The following LAIR1 variants were observed in gnomAD, a reference collection of about 807,000 sequenced individuals.
LAIR1 encodes the protein leukocyte associated immunoglobulin like receptor 1.
In LAIR1, 24 loss-of-function variants were observed where a neutral mutation model predicts 32.8. The observed-to-expected ratio is 0.73, with a 90% CI of 0.53 to 1.03. The LOEUF (loss-of-function observed/expected upper bound fraction) is 1.03. Among genes scored for constraint, LAIR1 ranks in the 50% least tolerant of loss-of-function variants. The probability of loss-of-function intolerance (pLI) is 0.00; values close to 1 mark genes in which losing one functional copy is unlikely to be tolerated. For missense variants in LAIR1, 355 were observed against 347.5 expected, an observed-to-expected ratio of 1.02 and a Z score of -0.17; for synonymous variants, 150 against 140.5, an observed-to-expected ratio of 1.07 and a Z score of -0.48.
upstream of LAIR1, among the ~76,000 whole-genome samples, chr19:54,370,745 CTT>C (rs888378247): frequency 1.4e-5 from 2 of 145,880 alleles, no homozygotes; most frequent in African/African-American, 2.5e-5. Context: ...CCAAACGTTA[CTT>C]TTTTTTTTTT....
rs374301465 is a variant in LAIR1, at chr19:54,364,251, G to A, written c.70+44C>T. The stretch of plus-strand genomic sequence containing the variant: ...CACTCCCACCCAGCACTGCCCTTGG[G>A]GTGACAGAGGGGACTGGGAAGATGG... On this transcript the variant is annotated intron_variant, in intron 2 of 9. Coordinates refer to ENST00000391742, the MANE Select transcript of LAIR1 (RefSeq NM_002287.6). The surrounding 1 kb of genome is among the most constrained non-coding windows in gnomAD (Gnocchi z 4.8). 89 of 1,591,610 alleles carry A rather than the reference G, an allele frequency of 5.6e-5. 1 individual carries two copies. Among genetic ancestry groups the A allele is most frequent in the Non-Finnish European group, 7.5e-5 (87 of 1,160,390 alleles).
At chr19:54,374,435 C>T (rs1483265173), upstream of LAIR1, among the ~76,000 whole-genome samples, 2 of 152,096 alleles carry the variant, frequency 1.3e-5, no homozygotes, top group East Asian at 1.9e-4. Flanking sequence ...CGATGAAGGA[C>T]GGGGTCCACA....
chr19:54,366,751 G>A (rs1481845326), upstream of LAIR1, among the ~76,000 whole-genome samples: 3 of 152,210 alleles, frequency 2.0e-5, no homozygotes, highest in African/African-American at 4.8e-5. Flanking sequence ...GCCTCCCAAA[G>A]TGCTGGGATT....
At chr19:54,362,782 A>T (rs1357704189) in intron 2 of LAIR1, among the ~76,000 whole-genome samples, 1 of 152,218 alleles carries the variant, frequency 6.6e-6, no homozygotes, top group Non-Finnish European at 1.5e-5. Context: ...CACCGCACCC[A>T]GCCTCATTGG....
At chr19:54,372,257 A>G (rs1431695360), upstream of LAIR1, among the ~76,000 whole-genome samples, 4 of 151,552 alleles carry the variant, frequency 2.6e-5, no homozygotes, top group African/African-American at 9.8e-5. Flanking sequence ...AATGAATGAG[A>G]GTTCCCGTTG....
chr19:54,352,405 T>C lies in LAIR1; in HGVS notation c.*2863A>G, dbSNP rs2122259065. 1 of 153,802 alleles carries C rather than the reference T, an allele frequency of 6.5e-6. No homozygotes were observed. The highest frequency in any genetic ancestry group is 2.1e-4 in the South Asian group (1 of 4,818). The allele number at this position is 153,802 out of a possible 1,614,324, so 9.5% of individuals were successfully genotyped here. On this transcript the variant is annotated 3_prime_UTR_variant, in exon 10 of 10. Coordinates refer to ENST00000391742, the MANE Select transcript of LAIR1 (RefSeq NM_002287.6). ...CCCGTGCAGCAGGAGGGACATCTTC[T>C]CCGCACAGCAATGTTCCCAGATCTC... is the stretch of plus-strand genomic sequence containing the variant.
rs758690234 is a variant in LAIR1 at position 54,354,905 on chromosome 19, C to T, written c.*363G>A. On this transcript the variant is annotated 3_prime_UTR_variant, in exon 10 of 10. Transcript: ENST00000391742. ...GAGGTGGCATCACTGCTCAGGAAATCGGCTGATTGGCTGTAGCTGGGCCTT... is the reference window on the plus strand; with the variant it reads ...GAGGTGGCATCACTGCTCAGGAAATTGGCTGATTGGCTGTAGCTGGGCCTT... The T allele has an allele frequency of 9.8e-5, 20 of 204,614 alleles. No individual in the cohort carries two copies. Among genetic ancestry groups the T allele is most frequent in the African/African-American group, 3.0e-4 (13 of 43,396 alleles). The allele number at this position is 204,614 out of a possible 1,614,324, so 12.7% of individuals were successfully genotyped here. A position where few individuals can be genotyped will look rare whatever the true frequency, so the allele number is the denominator to read the frequency against.
At position 54,354,238 on chromosome 19, in the gene LAIR1, T is replaced by C. The variant is rs183118189; in HGVS notation, c.*1030A>G. Reference sequence around the variant, plus strand: ...GAGTGTATGTGCATGTCTGTGTGTGTGCGTGTGTGTATGCATGTGTGTGAG... The same window carrying C: ...GAGTGTATGTGCATGTCTGTGTGTGCGCGTGTGTGTATGCATGTGTGTGAG... On this transcript the variant is annotated 3_prime_UTR_variant, in exon 10 of 10. Transcript: ENST00000391742. 4.6e-5 allele frequency: 7 copies of C among 152,348 alleles called. No individual in the cohort carries two copies. Among genetic ancestry groups the C allele is most frequent in the African/African-American group, 1.7e-4 (7 of 41,560 alleles). The allele number at this position is 152,348 out of a possible 1,614,324, so 9.4% of individuals were successfully genotyped here. A position where few individuals can be genotyped will look rare whatever the true frequency, so the allele number is the denominator to read the frequency against.
At chr19:54,356,763 T>C in intron 5 of LAIR1, 144 bp from the exon 6 acceptor site, 4 of 1,159,192 alleles carry the variant, frequency 3.5e-6, no homozygotes, top group Non-Finnish European at 3.7e-6. Context: ...CAGGGATCGT[T>C]ATCCCCTTCT....
intron 2 of LAIR1, among the ~76,000 whole-genome samples, chr19:54,363,217 T>C (rs1281196072): frequency 6.6e-6 from 1 of 151,740 alleles, no homozygotes; most frequent in Non-Finnish European, 1.5e-5. Flanking sequence ...GGAGAGGGGC[T>C]GTCACCTGGG....
At chr19:54,357,265 C>T in intron 4 of LAIR1, 1 of 457,354 alleles carries the variant, frequency 2.2e-6, no homozygotes, top group Non-Finnish European at 4.0e-6. Context: ...GGGCCTGATG[C>T]CATCCCTACT....
upstream of LAIR1, among the ~76,000 whole-genome samples, chr19:54,365,321 A>T (rs1017625592): frequency 6.3e-5 from 9 of 142,904 alleles, no homozygotes; most frequent in South Asian, 1.4e-3. Context: ...TATCCTACAA[A>T]GCATATTATT....
At chr19:54,369,826 A>G (rs1342493631), upstream of LAIR1, among the ~76,000 whole-genome samples, 2 of 151,460 alleles carry the variant, frequency 1.3e-5, no homozygotes, top group African/African-American at 4.9e-5. Context: ...AGTTTGCATT[A>G]GAATAGTTCA....
chr19:54,371,488 G>T (rs775302945), upstream of LAIR1, among the ~76,000 whole-genome samples: 3 of 150,890 alleles, frequency 2.0e-5, no homozygotes, highest in Non-Finnish European at 2.9e-5. Context: ...TAGTAGAGAT[G>T]GGGTTTCGCC....
At chr19:54,374,390 C>T (rs894440448), upstream of LAIR1, among the ~76,000 whole-genome samples, 39 of 152,180 alleles carry the variant, frequency 2.6e-4, no homozygotes, top group South Asian at 4.1e-4. Flanking sequence ...AGGGTGACGG[C>T]CTTCTCCCCT....
At chr19:54,372,554 G>A (rs35448140), upstream of LAIR1, among the ~76,000 whole-genome samples, 6,555 of 142,010 alleles carry the variant, frequency 0.046, 688 homozygotes, top group African/African-American at 0.16. Flanking sequence ...GCAATGGCAT[G>A]ATCTTGGCTC....
intron 4 of LAIR1, chr19:54,358,674 T>C (rs1446412914): frequency 1.0e-5 from 15 of 1,433,956 alleles, no homozygotes; most frequent in Non-Finnish European, 1.4e-5. Context: ...ATCCCTCCTT[T>C]GGGGTTTTCT....
chr19:54,351,591 A>G lies in LAIR1; in HGVS notation c.*3677T>C, dbSNP rs370416407. The G allele has an allele frequency of 9.2e-5, 14 of 152,254 alleles. No homozygotes were observed. The highest frequency in any genetic ancestry group is 3.1e-4 in the African/African-American group (13 of 41,554). 9.4% of individuals were successfully genotyped at this position (152,254 alleles called of 1,614,324 possible). ...AGACTAACTGGCATCACCAACCAAA[A>G]CACAACATGCTATCACCACAACTAT... On this transcript the variant is annotated 3_prime_UTR_variant, in exon 10 of 10. Coordinates refer to ENST00000391742, the MANE Select transcript of LAIR1 (RefSeq NM_002287.6).
At chr19:54,373,668 A>G (rs529893302), upstream of LAIR1, among the ~76,000 whole-genome samples, 1 of 152,046 alleles carries the variant, frequency 6.6e-6, no homozygotes, top group South Asian at 2.1e-4. Context: ...GGTGGTGCAC[A>G]CCTGTAATCC....
Sources: allele counts gnomAD v4.1 joint callset (sites outside exome capture counted in the v4.1 genomes callset), GRCh38; gene constraint gnomAD v4.1.1; non-coding constraint Gnocchi (gnomAD v3.1); transcripts MANE v1.5; gene names NCBI Gene and HGNC (gene_info 2026-07-23, HGNC 2026-07-21).